The following ZDHHC9 variants were observed in gnomAD, a reference collection of about 807,000 sequenced individuals.
ZDHHC9 encodes the protein zDHHC palmitoyltransferase 9.
ZDHHC9 carries 3 observed loss-of-function variants against 26.6 expected under a neutral mutation model. The ratio of observed to expected loss-of-function variants is 0.11; its 90% CI spans 0.05 to 0.29. The LOEUF (loss-of-function observed/expected upper bound fraction) is 0.29. Ranked by LOEUF, ZDHHC9 falls within the 10% of genes least tolerant of loss-of-function variation. The probability of loss-of-function intolerance (pLI) is 1.00; values close to 1 mark genes in which losing one functional copy is unlikely to be tolerated. For synonymous variants in ZDHHC9, 111 were observed against 109.4 expected (o/e 1.01, Z -0.09); for missense variants, 146 against 296.4 (o/e 0.49, Z 3.73).
intron 3 of ZDHHC9, among the ~76,000 whole-genome samples, chrX:129,838,593 C>T (rs1366358097): frequency 2.7e-5 from 3 of 110,938 alleles, no homozygotes; most frequent in African/African-American, 6.6e-5. Flanking sequence ...TGCTTGAACC[C>T]GGGAGGCAGA....
intron 4 of ZDHHC9, among the ~76,000 whole-genome samples, chrX:129,828,644 T>A (rs1602957197): frequency 1.8e-5 from 2 of 110,178 alleles, no homozygotes; most frequent in African/African-American, 6.6e-5. Flanking sequence ...AAATAAATAA[T>A]AAATCTGTGC....
intron 3 of ZDHHC9, among the ~76,000 whole-genome samples, chrX:129,838,568 C>T (rs1217110912): frequency 1.8e-5 from 2 of 111,217 alleles, no homozygotes; most frequent in Non-Finnish European, 3.8e-5. Flanking sequence ...ACTCGGGAGG[C>T]TGAGGCAGGA....
chrX:129,836,881 G>T lies in ZDHHC9; in HGVS notation c.167+4898C>A, dbSNP rs369046114. 1.0e-3 allele frequency among the ~76,000 whole-genome samples: 112 copies of T among 112,363 alleles called. No individual in the cohort carries two copies. The South Asian group carries it at 0.038, about 38-fold the overall frequency. Reference sequence around the variant, plus strand: ...CACTGGGTAACACACACACTAGCTCGCAAGAATCTGGAATATGCTGGCCTA... The same window carrying T: ...CACTGGGTAACACACACACTAGCTCTCAAGAATCTGGAATATGCTGGCCTA... On this transcript the variant is annotated intron_variant, in intron 3 of 10. Transcript: ENST00000357166.
At chrX:129,828,959 G>A in intron 4 of ZDHHC9, 22 bp downstream of exon 4, 17 of 1,210,970 alleles carry the variant, frequency 1.4e-5, no homozygotes, top group Non-Finnish European at 1.8e-5. Flanking sequence ...ACAGCAGCTT[G>A]CCAGCTGGTT....
Position 129,804,961 on chromosome X carries a change from C to T in ZDHHC9, c.*1409G>A, listed in dbSNP as rs1418162677. On this transcript the variant is annotated 3_prime_UTR_variant, in exon 11 of 11. Coordinates refer to ENST00000357166, the MANE Select transcript of ZDHHC9 (RefSeq NM_016032.4). ...TTTGCATTAGACACAGTTTAATCGCCTTCAAATAGATGAAAAGTTCTGGTT... is the reference window on the plus strand; with the variant it reads ...TTTGCATTAGACACAGTTTAATCGCTTTCAAATAGATGAAAAGTTCTGGTT... The T allele has an allele frequency of 1.8e-5, 2 of 109,174 alleles. No individual in the cohort carries two copies. The highest frequency in any genetic ancestry group is 2.0e-4 in the Admixed American group (2 of 10,177). The allele number at this position is 109,174 out of a possible 1,213,427, so 9.0% of individuals were successfully genotyped here. A position where few individuals can be genotyped will look rare whatever the true frequency, so the allele number is the denominator to read the frequency against.
At chrX:129,842,152 G>C in intron 2 of ZDHHC9, 72 bp from the exon 3 acceptor site, 1 of 458,990 alleles carries the variant, frequency 2.2e-6, no homozygotes, top group Non-Finnish European at 3.7e-6. Context: ...TCCTTTCCCA[G>C]AGACAGAAAG....
intron 3 of ZDHHC9, among the ~76,000 whole-genome samples, chrX:129,839,115 C>T (rs763098264): frequency 8.9e-6 from 1 of 112,155 alleles, no homozygotes; most frequent in South Asian, 3.7e-4. Flanking sequence ...GTCTCTACTC[C>T]TAGACAATGT....
At chrX:129,830,684 G>A (rs1025191174) in intron 3 of ZDHHC9, among the ~76,000 whole-genome samples, 2 of 111,872 alleles carry the variant, frequency 1.8e-5, no homozygotes, top group African/African-American at 6.5e-5. Context: ...GAGAAAGTAA[G>A]CTAAGAAAAA....
Position 129,806,330 on chromosome X carries a change from C to A in ZDHHC9, c.*40G>T, listed in dbSNP as rs181785797. 9 of 1,096,291 alleles carry A rather than the reference C, an allele frequency of 8.2e-6. No individual in the cohort carries two copies. The East Asian group carries it at 2.7e-4, about 33-fold the overall frequency. The allele number at this position is 1,096,291 out of a possible 1,213,427, so 90.3% of individuals were successfully genotyped here. A position where few individuals can be genotyped will look rare whatever the true frequency, so the allele number is the denominator to read the frequency against. The stretch of plus-strand genomic sequence containing the variant: ...ACTTCTCACCTGAAATCTCTCATAG[C>A]CCTAATTAAACACAAACAAAAGTCT... On this transcript the variant is annotated 3_prime_UTR_variant, in exon 11 of 11. Coordinates refer to ENST00000357166, the MANE Select transcript of ZDHHC9 (RefSeq NM_016032.4).
Position 129,806,299 on chromosome X carries a change from G to T in ZDHHC9, c.*71C>A, listed in dbSNP as rs1233987546. On this transcript the variant is annotated 3_prime_UTR_variant, in exon 11 of 11. Transcript: ENST00000357166. ...GACAGCTTACTTGCTCTCTGTCTCAGGTTTAACTTCTCACCTGAAATCTCT... is the reference window on the plus strand; with the variant it reads ...GACAGCTTACTTGCTCTCTGTCTCATGTTTAACTTCTCACCTGAAATCTCT... 2 of 954,411 alleles carry T rather than the reference G, an allele frequency of 2.1e-6. No homozygotes were observed. The highest frequency in any genetic ancestry group is 3.0e-6 in the Non-Finnish European group (2 of 662,568). 78.7% of individuals were successfully genotyped at this position (954,411 alleles called of 1,213,427 possible). A position where few individuals can be genotyped will look rare whatever the true frequency, so the allele number is the denominator to read the frequency against.
chrX:129,811,982 A>G (rs1927652215), intron 8 of ZDHHC9, among the ~76,000 whole-genome samples: 1 of 111,840 alleles, frequency 8.9e-6, no homozygotes, highest in Non-Finnish European at 1.9e-5. Flanking sequence ...TCATACTACT[A>G]ACAAAGGTGA....
chrX:129,828,928 C>T lies in ZDHHC9; in HGVS notation c.328+53G>A. 3 of 1,202,731 alleles carry T rather than the reference C, an allele frequency of 2.5e-6. No homozygotes were observed. In the Admixed American group the frequency reaches 6.5e-5, roughly 26 times the overall value. ...CTACTATTATGATTCCATTCTCTTA[C>T]TGATTAGGGCCACCCACTACACAGC... is the stretch of plus-strand genomic sequence containing the variant. On this transcript the variant is annotated intron_variant, in intron 4 of 10. Transcript: ENST00000357166.
chrX:129,812,816 G>C lies in ZDHHC9; in HGVS notation c.679C>G (p.Leu227Val), dbSNP rs764639044. 3 of 1,191,686 alleles carry C rather than the reference G, an allele frequency of 2.5e-6. No homozygotes were observed. Among genetic ancestry groups the C allele is most frequent in the Admixed American group, 4.4e-5 (2 of 45,732 alleles). Residue 227 changes from leucine to valine, a missense_variant, in exon 8 of 11, where the codon CTA (leucine) becomes GTA (valine). Coordinates refer to ENST00000357166, the MANE Select transcript of ZDHHC9 (RefSeq NM_016032.4). ...ETLKETPGTV[L>V]EVLICFFTLW... is the part of the protein sequence containing the mutation. ...GTAAAGAAGCAAATGAGGACTTCTA[G>C]AACAGTGAGGTGTGGTTAAGGAGTA...
rs1054445466 is a variant in ZDHHC9 at position 129,841,924 on chromosome X, T to C, written c.22A>G (p.Lys8Glu). ...TTCTCCCATTTCCGTGTCACCTTCT[T>C]TCTCACCACCATCACAGACATGATT... Reference protein sequence around the residue: MSVMVVRKKVTRKWEKLP... With the variant: MSVMVVREKVTRKWEKLP... Residue 8 changes from lysine (K) to glutamate (E), a missense_variant, in exon 3 of 11, where the codon AAG becomes GAG. Physicochemically the swap from Lys to Glu is moderately conservative, Grantham distance 56. Coordinates refer to ENST00000357166, the MANE Select transcript of ZDHHC9 (RefSeq NM_016032.4). 1.1e-5 allele frequency: 13 copies of C among 1,209,588 alleles called. No individual in the cohort carries two copies. The highest frequency in any genetic ancestry group is 1.5e-5 in the Non-Finnish European group (13 of 895,139).
intron 10 of ZDHHC9, among the ~76,000 whole-genome samples, chrX:129,809,761 G>C (rs965965665): frequency 9.0e-6 from 1 of 111,517 alleles, no homozygotes; most frequent in African/African-American, 3.3e-5. Flanking sequence ...ACTTTGGGAG[G>C]CTGAGGTGGG....
At chrX:129,828,348 T>C (rs781142915) in intron 4 of ZDHHC9, among the ~76,000 whole-genome samples, 2 of 109,757 alleles carry the variant, frequency 1.8e-5, no homozygotes, top group Admixed American at 1.9e-4. Context: ...GCTGGCCAGG[T>C]GTGGTGGCTC....
chrX:129,808,737 A>T (rs1201159251), intron 10 of ZDHHC9, among the ~76,000 whole-genome samples: 1 of 112,274 alleles, frequency 8.9e-6, no homozygotes, highest in Non-Finnish European at 1.9e-5. Context: ...AAATTTAAAA[A>T]TTTTGTGCTC....
intron 4 of ZDHHC9, among the ~76,000 whole-genome samples, chrX:129,828,556 A>G (rs1928073215): frequency 9.0e-6 from 1 of 110,864 alleles, no homozygotes; most frequent in Admixed American, 9.6e-5. Context: ...TGGGAGTCAG[A>G]GGTTGCAGTG....
intron 3 of ZDHHC9, among the ~76,000 whole-genome samples, chrX:129,839,409 T>A (rs183006287): frequency 1.5e-4 from 16 of 110,030 alleles, no homozygotes; most frequent in African/African-American, 4.6e-4. Flanking sequence ...ACGGGGGTTT[T>A]ACCATGTTGG....
Sources: allele counts gnomAD v4.1 joint callset (sites outside exome capture counted in the v4.1 genomes callset), GRCh38; gene constraint gnomAD v4.1.1; transcripts MANE v1.5; gene names NCBI Gene and HGNC (gene_info 2026-07-23, HGNC 2026-07-21).